The following RANBP2 variants were observed in gnomAD, a reference collection of about 807,000 sequenced individuals.
The protein encoded by RANBP2 is RAN binding protein 2.
In RANBP2, 57 loss-of-function variants were observed where a neutral mutation model predicts 303.6. The observed-to-expected ratio is 0.19, with a 90% CI of 0.15 to 0.23. The LOEUF is 0.23. Among genes scored for constraint, RANBP2 ranks in the 10% least tolerant of loss-of-function variants. The pLI, the probability that RANBP2 is intolerant of heterozygous loss-of-function variation, is 1.00. For missense variants in RANBP2, 3,138 were observed against 3,780.8 expected, an observed-to-expected ratio of 0.83 and a Z score of 4.46; for synonymous variants, 1,167 against 1,301.5, an observed-to-expected ratio of 0.90 and a Z score of 2.23.
the RANBP2 span, among the ~76,000 whole-genome samples, chr2:109,632,692 C>T: frequency 6.6e-6 from 1 of 151,872 alleles, no homozygotes; most frequent in Non-Finnish European, 1.5e-5. Context: ...TGGTGGCGGG[C>T]GCCTGTAGTC....
the RANBP2 span, among the ~76,000 whole-genome samples, chr2:109,557,472 G>A: frequency 6.6e-6 from 1 of 152,174 alleles, no homozygotes; most frequent in Non-Finnish European, 1.5e-5. Flanking sequence ...TAGCTGAAAA[G>A]TAAAAAGCTG....
chr2:109,486,711 G>A, the RANBP2 span, among the ~76,000 whole-genome samples: 15 of 152,044 alleles, frequency 9.9e-5, no homozygotes, highest in Admixed American at 2.0e-4. Flanking sequence ...TGTGGTTGGC[G>A]CAGGATGTGT....
the RANBP2 span, among the ~76,000 whole-genome samples, chr2:109,682,124 G>A: frequency 2.6e-5 from 4 of 152,142 alleles, no homozygotes; most frequent in South Asian, 6.2e-4. Context: ...ACACATTACT[G>A]TAAATGGTGA....
the RANBP2 span, among the ~76,000 whole-genome samples, chr2:109,165,979 G>A: frequency 6.6e-6 from 1 of 151,760 alleles, no homozygotes. Flanking sequence ...TTTTTTTCCC[G>A]CTGCTATTGC....
chr2:108,763,840 T>G lies in RANBP2; in HGVS notation c.3301T>G (p.Phe1101Val), dbSNP rs902792271. ...QTIGPRNTFN[F>V]GSKNVSGISF... is the part of the protein sequence containing the mutation. ...CATTGGGCCTCGAAATACATTCAAT[T>G]TTGGAAGCAAAAATGTGTCTGGAAT... Residue 1101 changes from phenylalanine to valine, a missense_variant, in exon 20 of 29, where the codon TTT (phenylalanine) becomes GTT (valine). This residue lies in a region of RANBP2 where 403 missense variants were observed against 376.7 expected (regional missense o/e 1.07). Coordinates refer to ENST00000283195, the MANE Select transcript of RANBP2 (RefSeq NM_006267.5). The G allele has an allele frequency of 1.2e-6, 2 of 1,614,054 alleles. No individual in the cohort carries two copies. The highest frequency in any genetic ancestry group is 1.7e-5 in the Admixed American group (1 of 60,002).
chr2:109,395,497 T>C, the RANBP2 span, among the ~76,000 whole-genome samples: 1 of 152,100 alleles, frequency 6.6e-6, no homozygotes, highest in Non-Finnish European at 1.5e-5. Context: ...GACTTTCTTC[T>C]TTGAGGCAGG....
the RANBP2 span, among the ~76,000 whole-genome samples, chr2:109,280,073 C>T: frequency 3.9e-5 from 6 of 152,184 alleles, no homozygotes; most frequent in East Asian, 3.9e-4. Flanking sequence ...CTATTTTTTT[C>T]GATCCCAGAG....
the RANBP2 span, among the ~76,000 whole-genome samples, chr2:109,124,000 AT>A: frequency 6.6e-6 from 1 of 150,548 alleles, no homozygotes; most frequent in South Asian, 2.1e-4. Flanking sequence ...TTATTTATTT[AT>A]TTATTTATTT....
chr2:109,055,361 C>A, the RANBP2 span, among the ~76,000 whole-genome samples: 17 of 57,526 alleles, frequency 3.0e-4, no homozygotes, highest in Admixed American at 5.1e-3. Context: ...TCTATTTTTT[C>A]TTTTCTTTTT....
chr2:109,283,371 A>G, the RANBP2 span, among the ~76,000 whole-genome samples: 980 of 152,204 alleles, frequency 6.4e-3, 8 homozygotes, highest in African/African-American at 0.023. Context: ...GCCAGGCCTC[A>G]CCTCACTGCG....
chr2:109,071,664 A>G, the RANBP2 span, among the ~76,000 whole-genome samples: 1 of 135,812 alleles, frequency 7.4e-6, no homozygotes, highest in African/African-American at 2.8e-5. Context: ...ACAAAGCAAG[A>G]CTCTATCTCA....
At chr2:109,545,759 C>G in the RANBP2 span, 7 of 1,426,058 alleles carry the variant, frequency 4.9e-6, no homozygotes, top group Non-Finnish European at 6.4e-6. Flanking sequence ...ATAAGAGCAG[C>G]CATTTTCCCC....
the RANBP2 span, among the ~76,000 whole-genome samples, chr2:108,808,197 A>C: frequency 6.6e-6 from 1 of 152,158 alleles, no homozygotes; most frequent in African/African-American, 2.4e-5. Context: ...GTGTATGTAT[A>C]AAGAAAATGT....
chr2:109,260,051 T>G, the RANBP2 span, among the ~76,000 whole-genome samples: 2 of 152,212 alleles, frequency 1.3e-5, no homozygotes, highest in Non-Finnish European at 2.9e-5. Flanking sequence ...TGGAGGGTTA[T>G]TTGTGATGTT....
chr2:108,912,628 T>C, the RANBP2 span: 3 of 1,504,818 alleles, frequency 2.0e-6, no homozygotes, highest in Non-Finnish European at 2.7e-6. Context: ...TGAGCTTTCA[T>C]CCGAGTACCA....
intron 6 of RANBP2, 143 bp downstream of exon 6, chr2:108,736,392 G>A: frequency 5.4e-6 from 8 of 1,490,166 alleles, no homozygotes; most frequent in Non-Finnish European, 6.4e-6. Flanking sequence ...ACAACTAGGA[G>A]GCAATCTTAT....
At chr2:109,167,769 C>T in the RANBP2 span, among the ~76,000 whole-genome samples, 11 of 152,070 alleles carry the variant, frequency 7.2e-5, no homozygotes, top group East Asian at 1.9e-4. Flanking sequence ...GGTGGGATTG[C>T]GCCATGTTAG....
chr2:109,614,305 C>T, the RANBP2 span: 6 of 553,730 alleles, frequency 1.1e-5, no homozygotes, highest in Admixed American at 9.5e-5. Flanking sequence ...GGCGGGGGTG[C>T]GGGGGGCGTG....
chr2:109,615,034 G>A, the RANBP2 span: 1 of 1,547,928 alleles, frequency 6.5e-7, no homozygotes, highest in Non-Finnish European at 8.7e-7. Flanking sequence ...CCGCCACATG[G>A]CTGCGAGGAG....
Sources: gnomAD v4.1 joint callset for allele counts (sites outside exome capture counted in the v4.1 genomes callset) on GRCh38, gnomAD v4.1.1 for gene constraint, gnomAD v4.1.1 regional missense constraint, MANE v1.5 for transcripts, NCBI Gene and HGNC (gene_info 2026-07-23, HGNC 2026-07-21) for gene names.